The following TPTE2 variants were observed in gnomAD, a reference collection of about 807,000 sequenced individuals.
The protein encoded by TPTE2 is transmembrane phosphoinositide 3-phosphatase and tensin homolog 2.
In TPTE2, 53 loss-of-function variants were observed where a neutral mutation model predicts 78.6. The ratio of observed to expected loss-of-function variants is 0.67; its 90% confidence interval spans 0.54 to 0.85. TPTE2 has a LOEUF of 0.85. Among genes scored for constraint, TPTE2 ranks in the 40% least tolerant of loss-of-function variants. The probability of loss-of-function intolerance (pLI) is 0.00; values close to 1 mark genes in which losing one functional copy is unlikely to be tolerated. For missense variants in TPTE2, 461 were observed against 623.0 expected (o/e 0.74, Z 2.77); for synonymous variants, 175 against 206.2 (o/e 0.85, Z 1.30).
intron 4 of TPTE2, among the ~76,000 whole-genome samples, chr13:19,480,745 G>A (rs1257857210): frequency 6.6e-6 from 1 of 152,026 alleles, no homozygotes; most frequent in Non-Finnish European, 1.5e-5. Context: ...TGTTAAGTGT[G>A]GGGGGGAGAA....
At chr13:19,459,723 A>G (rs909107063) in intron 10 of TPTE2, among the ~76,000 whole-genome samples, 2 of 152,134 alleles carry the variant, frequency 1.3e-5, no homozygotes, top group African/African-American at 4.8e-5. Context: ...CTGCCCAGTG[A>G]GGAGGAATGG....
At chr13:19,520,855 T>A (rs557805825) in intron 1 of TPTE2, among the ~76,000 whole-genome samples, 1 of 152,214 alleles carries the variant, frequency 6.6e-6, no homozygotes, top group Non-Finnish European at 1.5e-5. Flanking sequence ...TATGACCAAT[T>A]GATTATTTAA....
the TPTE2 span, among the ~76,000 whole-genome samples, chr13:19,543,506 G>A: frequency 1.3e-5 from 2 of 151,092 alleles, no homozygotes; most frequent in Admixed American, 6.6e-5. Context: ...ACAAGCACCT[G>A]CCAGCCCTCC....
In TPTE2 at chr13:19,474,086, T is replaced by G. The variant is rs772129560; in HGVS notation, c.231-11A>C. The stretch of plus-strand genomic sequence containing the variant: ...AAAACTCCAAATATTCTAAAATAAA[T>G]AAATAAATAAATAAATAAATAAATA... On this transcript the variant is annotated splice_polypyrimidine_tract_variant and intron_variant, in intron 5 of 19. Transcript: ENST00000400230. 2.3e-4 allele frequency: 2 copies of G among 8,630 alleles called. No homozygotes were observed. The highest frequency in any genetic ancestry group is 3.1e-4 in the African/African-American group (2 of 6,516). 0.5% of individuals were successfully genotyped at this position (8,630 alleles called of 1,614,324 possible). A position where few individuals can be genotyped will look rare whatever the true frequency, so the allele number is the denominator to read the frequency against.
intron 1 of TPTE2, among the ~76,000 whole-genome samples, chr13:19,519,799 T>A (rs1456249035): frequency 6.6e-6 from 1 of 152,170 alleles, no homozygotes; most frequent in African/African-American, 2.4e-5. Flanking sequence ...GATCAGCAAG[T>A]CAATTTCTAC....
At position 19,470,480 on chromosome 13, in the gene TPTE2, G is replaced by A. The variant is rs569842221; in HGVS notation, c.393-3136C>T. On this transcript the variant is annotated intron_variant, in intron 6 of 19. Transcript: ENST00000400230. The stretch of plus-strand genomic sequence containing the variant: ...CAATATTTATCAGATATATTAGCAT[G>A]TTTTTGGTTTTGGTTTTGGTTTTTG... 2.0e-5 allele frequency among the ~76,000 whole-genome samples: 3 copies of A among 152,074 alleles called. No individual in the cohort carries two copies. In the East Asian group the frequency reaches 5.8e-4, roughly 29 times the overall value.
chr13:19,429,834 C>T (rs1876419947), intron 17 of TPTE2, among the ~76,000 whole-genome samples: 1 of 152,304 alleles, frequency 6.6e-6, no homozygotes, highest in East Asian at 1.9e-4. Context: ...TAGTTTTAGG[C>T]ATTTCTTCAT....
intron 13 of TPTE2, among the ~76,000 whole-genome samples, chr13:19,443,836 T>C (rs1877655228): frequency 6.6e-6 from 1 of 152,140 alleles, no homozygotes; most frequent in African/African-American, 2.4e-5. Flanking sequence ...TGGAACTGTA[T>C]GTTGATGGCT....
At chr13:19,467,730 AT>A (rs1347256091) in intron 6 of TPTE2, among the ~76,000 whole-genome samples, 1 of 152,100 alleles carries the variant, frequency 6.6e-6, no homozygotes, top group East Asian at 1.9e-4. Flanking sequence ...CAATCAAGTT[AT>A]TGTTGACTAT....
chr13:19,499,384 A>G (rs1881610412), intron 1 of TPTE2, among the ~76,000 whole-genome samples: 1 of 151,620 alleles, frequency 6.6e-6, no homozygotes, highest in Non-Finnish European at 1.5e-5. Context: ...TCCAAAATTG[A>G]CCACATACTT....
At chr13:19,527,015 T>C (rs1566077915) in intron 1 of TPTE2, among the ~76,000 whole-genome samples, 1 of 151,944 alleles carries the variant, frequency 6.6e-6, no homozygotes, top group Admixed American at 6.6e-5. Context: ...GGAATAAACA[T>C]TAAAAAAAGG....
chr13:19,444,576 GA>G (rs990274873), intron 13 of TPTE2, among the ~76,000 whole-genome samples: 3 of 152,000 alleles, frequency 2.0e-5, no homozygotes, highest in Non-Finnish European at 4.4e-5. Flanking sequence ...CTAAATGAGA[GA>G]ATACCTCTCT....
At chr13:19,467,151 A>G (rs1244983678) in intron 7 of TPTE2, 74 bp downstream of exon 10, 7 of 1,406,426 alleles carry the variant, frequency 5.0e-6, no homozygotes, top group Non-Finnish European at 6.8e-6. Flanking sequence ...TGAAAAGATT[A>G]TATAGAATAA....
At chr13:19,556,319 A>C in the TPTE2 span, among the ~76,000 whole-genome samples, 1 of 152,230 alleles carries the variant, frequency 6.6e-6, no homozygotes, top group Admixed American at 6.5e-5. Context: ...TATATTTTAT[A>C]GTACAATTTG....
intron 17 of TPTE2, among the ~76,000 whole-genome samples, chr13:19,430,002 A>G (rs1320673611): frequency 6.6e-6 from 1 of 152,160 alleles, no homozygotes; most frequent in Non-Finnish European, 1.5e-5. Flanking sequence ...CCTGGGCCCC[A>G]TTCCAGATTT....
intron 1 of TPTE2, among the ~76,000 whole-genome samples, chr13:19,499,559 T>C (rs976865762): frequency 6.9e-6 from 1 of 144,744 alleles, no homozygotes; most frequent in African/African-American, 2.6e-5. Context: ...ACTGGGTATA[T>C]AACGAAATGA....
At chr13:19,496,401 T>C (rs1307275916) in intron 1 of TPTE2, among the ~76,000 whole-genome samples, 4 of 152,222 alleles carry the variant, frequency 2.6e-5, no homozygotes, top group Non-Finnish European at 5.9e-5. Context: ...AATTCAACTC[T>C]ACTGTGTAGG....
intron 14 of TPTE2, 41 bp from the exon 18 acceptor site, chr13:19,436,347 T>A: frequency 6.4e-7 from 1 of 1,555,012 alleles, no homozygotes; most frequent in Non-Finnish European, 8.8e-7. Context: ...TCATCTGCAC[T>A]CTTTCCTTTC....
intron 9 of TPTE2, 60 bp downstream of exon 12, chr13:19,465,195 A>G (rs556960805): frequency 6.2e-7 from 1 of 1,607,074 alleles, no homozygotes; most frequent in African/African-American, 1.3e-5. Context: ...GAGGCAAAAA[A>G]ATACAATTAC....
Sources: gnomAD v4.1 joint callset for allele counts (sites outside exome capture counted in the v4.1 genomes callset) on GRCh38, gnomAD v4.1.1 for gene constraint, MANE v1.5 for transcripts, NCBI Gene and HGNC (gene_info 2026-07-23, HGNC 2026-07-21) for gene names.